GALNT8: variants seen among roughly 807,000 people sequenced by gnomAD.
GALNT8 encodes probable polypeptide N-acetylgalactosaminyltransferase 8.
GALNT8 carries 66 observed loss-of-function variants against 62.7 expected under a neutral mutation model. The observed-to-expected ratio is 1.05, with a 90% CI of 0.86 to 1.29. The LOEUF is 1.29. GALNT8 is among the 50% of genes most tolerant of loss of function. The pLI is 0.00. For missense variants in GALNT8, 771 were observed against 791.8 expected, an observed-to-expected ratio of 0.97 and a Z score of 0.32; for synonymous variants, 288 against 294.3, an observed-to-expected ratio of 0.98 and a Z score of 0.22.
At position 4,764,169 on chromosome 12, in the gene GALNT8, G is replaced by A. The variant is rs200162627; in HGVS notation, c.1593+122G>A. On this transcript the variant is annotated intron_variant, in intron 9 of 10. Transcript: ENST00000252318. ...GGGAGGCAGGAGCGGAGCATCCTGGGTAAGGGTGAAATCCAGACCTGCACT... is the reference window on the plus strand; with the variant it reads ...GGGAGGCAGGAGCGGAGCATCCTGGATAAGGGTGAAATCCAGACCTGCACT... The A allele has an allele frequency of 3.4e-5, 24 of 715,546 alleles. No individual in the cohort carries two copies. In the East Asian group the frequency reaches 6.0e-4, roughly 18 times the overall value. The allele number at this position is 715,546 out of a possible 1,614,324, so 44.3% of individuals were successfully genotyped here. A position where few individuals can be genotyped will look rare whatever the true frequency, so the allele number is the denominator to read the frequency against.
chr12:4,765,469 A>G lies in GALNT8; in HGVS notation c.1684A>G (p.Lys562Glu). Residue 562 changes from lysine (K) to glutamate (E), a missense_variant, in exon 10 of 11, where the codon AAG becomes GAG. Physicochemically the swap from Lys to Glu is moderately conservative, Grantham distance 56. Transcript: ENST00000252318. ...TGATCGCTGCCTGACAGACCCTGGC[A>G]AGGCGGAGAAGCCCACCTTAGAACC... ...ASDRCLTDPG[K>E]AEKPTLEPCS... The G allele has an allele frequency of 1.2e-6, 2 of 1,612,730 alleles. No homozygotes were observed. Among genetic ancestry groups the G allele is most frequent in the Non-Finnish European group, 1.7e-6 (2 of 1,179,782 alleles).
Position 4,720,840 on chromosome 12 carries a change from G to T in GALNT8, c.163G>T (p.Ala55Ser), listed in dbSNP as rs771799204. 36 of 1,610,910 alleles carry T rather than the reference G, an allele frequency of 2.2e-5. No homozygotes were observed. Among genetic ancestry groups the T allele is most frequent in the Non-Finnish European group, 3.4e-6 (4 of 1,177,190 alleles). ...TTTACATCTGAATAAACGCTACGGG[G>T]CAGTGATAAAGAGACTCTCCCACTT... is the stretch of plus-strand genomic sequence containing the variant. ...LPLHLNKRYG[A>S]VIKRLSHLEV... The change falls in exon 1 of 11, where the codon GCA (alanine) becomes TCA (serine). Residue 55 changes from alanine to serine, a missense_variant. Transcript: ENST00000252318.
intron 6 of GALNT8, among the ~76,000 whole-genome samples, chr12:4,747,300 G>A (rs888523414): frequency 6.6e-6 from 1 of 152,116 alleles, no homozygotes; most frequent in African/African-American, 2.4e-5. Flanking sequence ...CCATCAAATA[G>A]TAGGTCTTAT....
intron 2 of GALNT8, among the ~76,000 whole-genome samples, chr12:4,727,427 C>G (rs1335981939): frequency 6.6e-6 from 1 of 152,130 alleles, no homozygotes; most frequent in Non-Finnish European, 1.5e-5. Context: ...AGTATATTCA[C>G]AGAGTTATTT....
At chr12:4,733,439 C>T (rs1449080289) in intron 2 of GALNT8, among the ~76,000 whole-genome samples, 1 of 152,082 alleles carries the variant, frequency 6.6e-6, no homozygotes, top group Non-Finnish European at 1.5e-5. Flanking sequence ...GTCGTGAAAG[C>T]ATTTCAAATA....
chr12:4,748,204 T>C (rs972691675), intron 6 of GALNT8, among the ~76,000 whole-genome samples: 2 of 152,218 alleles, frequency 1.3e-5, no homozygotes, highest in African/African-American at 4.8e-5. Flanking sequence ...TCTTTTGCGG[T>C]GCAGAAGCTT....
chr12:4,759,458 G>C (rs777692383), intron 6 of GALNT8, among the ~76,000 whole-genome samples: 9 of 129,746 alleles, frequency 6.9e-5, no homozygotes, highest in Non-Finnish European at 1.4e-4. Flanking sequence ...ACACCTGGCA[G>C]CTAGAGGCAA....
rs1044898540 is a variant in GALNT8 at position 4,759,195 on chromosome 12, T to C, written c.1174-1763T>C. 5.3e-5 allele frequency among the ~76,000 whole-genome samples: 8 copies of C among 152,104 alleles called. No homozygotes were observed. The East Asian group carries it at 9.6e-4, about 18-fold the overall frequency. The stretch of plus-strand genomic sequence containing the variant: ...CTAGGAAAATTGGAGTAAGGTAATA[T>C]TTGGATTTTTGAATGTTTGGCTAGA... On this transcript the variant is annotated intron_variant, in intron 6 of 10. Coordinates refer to ENST00000252318, the MANE Select transcript of GALNT8 (RefSeq NM_017417.2).
chr12:4,760,347 C>T (rs192342499), intron 6 of GALNT8, among the ~76,000 whole-genome samples: 17 of 152,334 alleles, frequency 1.1e-4, no homozygotes, highest in Admixed American at 2.0e-4. Flanking sequence ...ATGGCAGCTT[C>T]CTTCTTCAAA....
intron 6 of GALNT8, among the ~76,000 whole-genome samples, chr12:4,756,718 C>T (rs531413103): frequency 6.1e-4 from 93 of 152,270 alleles, no homozygotes; most frequent in Non-Finnish European, 8.7e-4. Flanking sequence ...ACTGATGACC[C>T]CATAGCCATG....
At chr12:4,769,371 A>G (rs1946413250) in intron 10 of GALNT8, among the ~76,000 whole-genome samples, 1 of 152,196 alleles carries the variant, frequency 6.6e-6, no homozygotes, top group Non-Finnish European at 1.5e-5. Context: ...ACTAACTACA[A>G]CCCTTTTTAA....
rs1591562519 is a variant in GALNT8, at chr12:4,723,880, G to C, written c.212-2652G>C. 5.3e-5 allele frequency among the ~76,000 whole-genome samples: 8 copies of C among 151,998 alleles called. No individual in the cohort carries two copies. In the South Asian group the frequency reaches 1.7e-3, roughly 32 times the overall value. On this transcript the variant is annotated intron_variant, in intron 1 of 10. Coordinates refer to ENST00000252318, the MANE Select transcript of GALNT8 (RefSeq NM_017417.2). ...AAAAATCAGAAGTCGGCCGGGCGCGGTGGCTCACGCCTGTAATCCTAGCAC... is the reference window on the plus strand; with the variant it reads ...AAAAATCAGAAGTCGGCCGGGCGCGCTGGCTCACGCCTGTAATCCTAGCAC...
chr12:4,772,356 G>A (rs1946428603), intron 10 of GALNT8, 89 bp from the exon 11 acceptor site: 1 of 1,178,286 alleles, frequency 8.5e-7, no homozygotes, highest in East Asian at 2.3e-5. Context: ...CAAGAATGTG[G>A]CTGAGCACAG....
intron 2 of GALNT8, among the ~76,000 whole-genome samples, chr12:4,736,097 A>G (rs892204833): frequency 3.3e-5 from 5 of 152,190 alleles, no homozygotes; most frequent in Admixed American, 2.6e-4. Context: ...CTTGGATCAC[A>G]CTTATCTCTG....
At chr12:4,738,933 T>A (rs1279624049) in intron 2 of GALNT8, among the ~76,000 whole-genome samples, 1 of 152,170 alleles carries the variant, frequency 6.6e-6, no homozygotes, top group East Asian at 1.9e-4. Flanking sequence ...AATGGAAACA[T>A]CTAGCAAAGA....
At chr12:4,723,146 G>A (rs1172688952) in intron 1 of GALNT8, among the ~76,000 whole-genome samples, 1 of 152,112 alleles carries the variant, frequency 6.6e-6, no homozygotes, top group Non-Finnish European at 1.5e-5. Flanking sequence ...TTCCATGAAC[G>A]TCTCATTCAC....
At chr12:4,756,701 A>T (rs1398755686) in intron 6 of GALNT8, among the ~76,000 whole-genome samples, 1 of 152,174 alleles carries the variant, frequency 6.6e-6, no homozygotes, top group African/African-American at 2.4e-5. Context: ...ATTTCTTTCT[A>T]ACTGAAACTG....
At position 4,744,646 on chromosome 12, in the gene GALNT8, C is replaced by T. The variant is rs749492367; in HGVS notation, c.806C>T (p.Ala269Val). 50 of 1,613,596 alleles carry T rather than the reference C, an allele frequency of 3.1e-5. No individual in the cohort carries two copies. The highest frequency in any genetic ancestry group is 3.8e-5 in the Non-Finnish European group (45 of 1,179,816). ...GCCCGCAACACTGGCTGGGAAGCTGCCACAGCAGACGTGGTCGCCATCTTG... is the reference window on the plus strand; with the variant it reads ...GCCCGCAACACTGGCTGGGAAGCTGTCACAGCAGACGTGGTCGCCATCTTG... ...AQARNTGWEA[A>V]TADVVAILDA... The change falls in exon 4 of 11, where the codon GCC becomes GTC. Residue 269 changes from alanine (A) to valine (V), a missense_variant. Ala to Val is a moderately conservative substitution (Grantham distance 64). Transcript: ENST00000252318.
At chr12:4,762,255 A>G (rs1946376646) in intron 7 of GALNT8, among the ~76,000 whole-genome samples, 1 of 152,160 alleles carries the variant, frequency 6.6e-6, no homozygotes, top group South Asian at 2.1e-4. Context: ...GACTGTCCCA[A>G]GCTGTACAAA....
Sources: gnomAD v4.1 joint callset for allele counts (sites outside exome capture counted in the v4.1 genomes callset) on GRCh38, gnomAD v4.1.1 for gene constraint, MANE v1.5 for transcripts, NCBI Gene and HGNC (gene_info 2026-07-23, HGNC 2026-07-21) for gene names.